CORIN: variants seen among roughly 807,000 people sequenced by gnomAD.
CORIN encodes atrial natriuretic peptide-converting enzyme.
A neutral mutation model predicts 125.3 loss-of-function variants in CORIN; 117 were observed. The ratio of observed to expected loss-of-function variants is 0.93; its 90% confidence interval spans 0.80 to 1.09. The LOEUF (loss-of-function observed/expected upper bound fraction) is 1.09. CORIN is among the 50% of genes least tolerant of loss of function. CORIN has a pLI of 0.00. For missense variants in CORIN, 1,253 were observed against 1,306.7 expected (o/e 0.96, Z 0.63); for synonymous variants, 450 against 466.4 (o/e 0.96, Z 0.45).
At chr4:47,665,591 T>C (rs1291667280) in intron 10 of CORIN, among the ~76,000 whole-genome samples, 1 of 152,224 alleles carries the variant, frequency 6.6e-6, no homozygotes, top group East Asian at 1.9e-4. Context: ...CCAATTCATC[T>C]TCTTCTTCTG....
chr4:47,761,883 C>G (rs1049093957), intron 4 of CORIN, among the ~76,000 whole-genome samples: 4 of 152,094 alleles, frequency 2.6e-5, no homozygotes, highest in Non-Finnish European at 5.9e-5. Context: ...GTACTCCCAG[C>G]TAGCTGAGGG....
chr4:47,649,054 A>C (rs577423825), intron 13 of CORIN, among the ~76,000 whole-genome samples: 3 of 152,294 alleles, frequency 2.0e-5, no homozygotes, highest in African/African-American at 4.8e-5. Flanking sequence ...CCTGATTATC[A>C]GGGCAGCCAT....
intron 3 of CORIN, among the ~76,000 whole-genome samples, chr4:47,764,478 G>C (rs1210626582): frequency 6.6e-6 from 1 of 152,096 alleles, no homozygotes; most frequent in African/African-American, 2.4e-5. Flanking sequence ...TTATTCTCTT[G>C]TCTGTATAAA....
intron 3 of CORIN, among the ~76,000 whole-genome samples, chr4:47,765,314 A>C (rs559455266): frequency 0.043 from 5,830 of 136,886 alleles, 114 homozygotes; most frequent in African/African-American, 0.063. Context: ...CCGTCCCCCA[A>C]AAAAAAAAAA....
intron 5 of CORIN, among the ~76,000 whole-genome samples, chr4:47,718,344 A>G (rs181079324): frequency 8.5e-4 from 129 of 152,322 alleles, no homozygotes; most frequent in Admixed American, 2.1e-3. Context: ...TACATTGAGT[A>G]TCAAGGTTAT....
intron 1 of CORIN, among the ~76,000 whole-genome samples, chr4:47,809,614 G>A (rs1403179252): frequency 6.6e-6 from 1 of 151,902 alleles, no homozygotes; most frequent in Non-Finnish European, 1.5e-5. Context: ...CACTATGTTG[G>A]CCAGACTGGT....
intron 12 of CORIN, 82 bp downstream of exon 12, chr4:47,661,629 G>T: frequency 1.6e-6 from 2 of 1,271,274 alleles, no homozygotes; most frequent in Non-Finnish European, 2.2e-6. Flanking sequence ...CAAACAAGAA[G>T]CCATAAATAG....
At chr4:47,641,871 C>T (rs1723242392) in intron 16 of CORIN, 49 bp downstream of exon 16, 2 of 1,593,644 alleles carry the variant, frequency 1.3e-6, no homozygotes, top group East Asian at 2.3e-5. Context: ...TGCCAAGTTC[C>T]ACAAAGCCTT....
At chr4:47,747,472 C>T (rs1443802818) in intron 4 of CORIN, among the ~76,000 whole-genome samples, 2 of 152,130 alleles carry the variant, frequency 1.3e-5, no homozygotes, top group Middle Eastern at 3.2e-3. Context: ...GTTCCTGGAC[C>T]TTTCCTCATT....
intron 13 of CORIN, among the ~76,000 whole-genome samples, chr4:47,650,822 A>G (rs1236365310): frequency 6.6e-6 from 1 of 152,188 alleles, no homozygotes; most frequent in East Asian, 1.9e-4. Flanking sequence ...CACAGTGCAG[A>G]TTCTGCTCAG....
chr4:47,800,120 G>A (rs1034361260), intron 2 of CORIN, among the ~76,000 whole-genome samples: 3 of 152,034 alleles, frequency 2.0e-5, no homozygotes, highest in Non-Finnish European at 4.4e-5. Context: ...TAGCTAAAGG[G>A]TACAGAGTTT....
chr4:47,679,990 T>C (rs559840542), intron 8 of CORIN, 151 bp downstream of exon 8: 1 of 552,304 alleles, frequency 1.8e-6, no homozygotes, highest in South Asian at 2.2e-5. Flanking sequence ...CATGACTCAG[T>C]GATCTTTACA....
At chr4:47,630,491 G>C (rs1722764035) in intron 16 of CORIN, among the ~76,000 whole-genome samples, 1 of 152,170 alleles carries the variant, frequency 6.6e-6, no homozygotes. Context: ...CAAAGTCACT[G>C]TATCCTAACT....
intron 4 of CORIN, among the ~76,000 whole-genome samples, chr4:47,761,329 T>C (rs551304137): frequency 5.3e-4 from 81 of 152,318 alleles, no homozygotes; most frequent in African/African-American, 1.8e-3. Flanking sequence ...TTAGAGGCCA[T>C]TGTAGGGTTG....
At chr4:47,707,449 T>C (rs992620145) in intron 5 of CORIN, among the ~76,000 whole-genome samples, 6 of 152,138 alleles carry the variant, frequency 3.9e-5, no homozygotes, top group African/African-American at 1.4e-4. Flanking sequence ...CCAGCTGAAA[T>C]TCCTCACTGT....
rs557382519 is a variant in CORIN, at chr4:47,599,726, A to G, written c.2946+488T>C. 3.9e-5 allele frequency among the ~76,000 whole-genome samples: 6 copies of G among 152,312 alleles called. No individual in the cohort carries two copies. In the South Asian group the frequency reaches 1.2e-3, roughly 32 times the overall value. On this transcript the variant is annotated intron_variant, in intron 21 of 21. Coordinates refer to ENST00000273857, the MANE Select transcript of CORIN (RefSeq NM_006587.4). ...ATCAAGTGAGGGCCCAGACAACACC[A>G]GTGTGATGACCCCTGAGACAGAGGT...
rs142386794 is a variant in CORIN at position 47,797,440 on chromosome 4, G to A, written c.208+9463C>T. ...TAAATCTCAGGCCTAAGAATAAAAG[G>A]CCTGTCAAACTTGCCATCACGTTAC... On this transcript the variant is annotated intron_variant, in intron 2 of 21. Transcript: ENST00000273857. Among the ~76,000 whole-genome samples, 296 of 151,826 alleles carry A rather than the reference G, an allele frequency of 1.9e-3. 1 individual carries two copies. Among genetic ancestry groups the A allele is most frequent in the African/African-American group, 6.9e-3 (286 of 41,468 alleles).
intron 16 of CORIN, 123 bp downstream of exon 16, chr4:47,641,797 C>T (rs1457031693): frequency 1.7e-5 from 20 of 1,176,042 alleles, no homozygotes; most frequent in Middle Eastern, 2.1e-4. Flanking sequence ...ATTCATTTCC[C>T]GGGTTTTGAA....
intron 19 of CORIN, among the ~76,000 whole-genome samples, chr4:47,618,784 A>G (rs1239613804): frequency 6.6e-6 from 1 of 151,492 alleles, no homozygotes; most frequent in Non-Finnish European, 1.5e-5. Context: ...GCGCGGCTGC[A>G]CTCTAGCTTG....
Sources: gnomAD v4.1 joint callset for allele counts (sites outside exome capture counted in the v4.1 genomes callset) on GRCh38, gnomAD v4.1.1 for gene constraint, MANE v1.5 for transcripts, NCBI Gene and HGNC (gene_info 2026-07-23, HGNC 2026-07-21) for gene names.